PRELID2: variants seen among roughly 807,000 people sequenced by gnomAD.
The protein encoded by PRELID2 is PRELI domain containing 2.
PRELID2 carries 25 observed loss-of-function variants against 28.4 expected under a neutral mutation model. The observed-to-expected ratio is 0.88, with a 90% CI of 0.64 to 1.23. PRELID2 has a LOEUF of 1.23. PRELID2 is among the 50% of genes most tolerant of loss of function. The pLI is 0.00. For missense variants in PRELID2, 201 were observed against 214.4 expected, an observed-to-expected ratio of 0.94 and a Z score of 0.39; for synonymous variants, 76 against 71.6, an observed-to-expected ratio of 1.06 and a Z score of -0.31.
chr5:145,596,553 A>G (rs1580991915), intron 1 of PRELID2, among the ~76,000 whole-genome samples: 1 of 151,040 alleles, frequency 6.6e-6, no homozygotes, highest in South Asian at 2.1e-4. Flanking sequence ...ATCAAACTCT[A>G]AGACTGCTCA....
chr5:145,471,271 A>G (rs1434955439), downstream of PRELID2, among the ~76,000 whole-genome samples: 1 of 152,258 alleles, frequency 6.6e-6, no homozygotes, highest in East Asian at 1.9e-4. Context: ...GAACAACTTC[A>G]GAGAGCTTCT....
the PRELID2 span, among the ~76,000 whole-genome samples, chr5:145,341,589 C>G: frequency 1.3e-5 from 2 of 151,714 alleles, no homozygotes; most frequent in Non-Finnish European, 2.9e-5. Flanking sequence ...GGTATAAATT[C>G]TGGCACTGAA....
intron 1 of PRELID2, among the ~76,000 whole-genome samples, chr5:145,750,491 T>C (rs1389445398): frequency 1.3e-5 from 2 of 152,106 alleles, no homozygotes; most frequent in African/African-American, 4.8e-5. Flanking sequence ...TTTGTGGCCA[T>C]TGCTCAAAAA....
chr5:145,409,561 C>A, the PRELID2 span, among the ~76,000 whole-genome samples: 2 of 151,902 alleles, frequency 1.3e-5, no homozygotes, highest in East Asian at 3.9e-4. Flanking sequence ...AAAAAACAAG[C>A]AATAGTAGCT....
At chr5:145,518,221 A>C (rs1184113314) in intron 1 of PRELID2, among the ~76,000 whole-genome samples, 1 of 151,744 alleles carries the variant, frequency 6.6e-6, no homozygotes, top group Non-Finnish European at 1.5e-5. Flanking sequence ...TGTGTTTGAG[A>C]CAGAGTCTCT....
chr5:145,406,253 G>C, the PRELID2 span, among the ~76,000 whole-genome samples: 1 of 152,120 alleles, frequency 6.6e-6, no homozygotes, highest in Non-Finnish European at 1.5e-5. Flanking sequence ...TGTATAACAG[G>C]TGGTAGTTTT....
At chr5:145,653,442 A>G (rs192739057) in intron 1 of PRELID2, among the ~76,000 whole-genome samples, 20 of 152,374 alleles carry the variant, frequency 1.3e-4, no homozygotes, top group Non-Finnish European at 2.4e-4. Context: ...TCAACAGAAT[A>G]TACATTCTTC....
the PRELID2 span, among the ~76,000 whole-genome samples, chr5:145,348,039 A>G: frequency 6.6e-6 from 1 of 152,158 alleles, no homozygotes; most frequent in Non-Finnish European, 1.5e-5. Flanking sequence ...TCTAAAGAAC[A>G]AGGTCTTAGA....
chr5:145,335,980 T>G, the PRELID2 span, among the ~76,000 whole-genome samples: 1 of 152,244 alleles, frequency 6.6e-6, no homozygotes, highest in Non-Finnish European at 1.5e-5. Context: ...TGGTGTGAGA[T>G]GGTATCTCAT....
chr5:145,501,841 G>A (rs1436876582), intron 1 of PRELID2, among the ~76,000 whole-genome samples: 1 of 152,108 alleles, frequency 6.6e-6, no homozygotes, highest in Non-Finnish European at 1.5e-5. Flanking sequence ...GAGATTCTAT[G>A]TCCATAACCC....
chr5:145,478,336 A>T (rs1369005186), intron 1 of PRELID2, among the ~76,000 whole-genome samples: 1 of 152,158 alleles, frequency 6.6e-6, no homozygotes, highest in Non-Finnish European at 1.5e-5. Flanking sequence ...TCATGAGGCC[A>T]GGAGTTCAAT....
chr5:145,443,219 A>G, the PRELID2 span, among the ~76,000 whole-genome samples: 4 of 152,184 alleles, frequency 2.6e-5, no homozygotes, highest in Admixed American at 2.6e-4. Context: ...GCAATTTTTC[A>G]TTTACAATAA....
chr5:145,544,908 A>G (rs1460951669), intron 1 of PRELID2, among the ~76,000 whole-genome samples: 3 of 152,270 alleles, frequency 2.0e-5, no homozygotes, highest in Non-Finnish European at 2.9e-5. Context: ...TGAATGTGAC[A>G]AAGTATCCTC....
At chr5:145,686,459 A>G (rs1171509217) in intron 1 of PRELID2, among the ~76,000 whole-genome samples, 1 of 152,104 alleles carries the variant, frequency 6.6e-6, no homozygotes, top group East Asian at 1.9e-4. Context: ...CAAGATCTAA[A>G]CAGGGGAAGG....
rs1258630995 is a variant in PRELID2 at position 145,759,082 on chromosome 5, C to A, written c.*1454G>T. 1.5e-5 allele frequency: 2 copies of A among 134,898 alleles called. No homozygotes were observed. The highest frequency in any genetic ancestry group is 3.1e-5 in the Non-Finnish European group (2 of 65,380). The allele number at this position is 134,898 out of a possible 1,614,324, so 8.4% of individuals were successfully genotyped here. A position where few individuals can be genotyped will look rare whatever the true frequency, so the allele number is the denominator to read the frequency against. ...GTGGCACAATCTCAGCTTACTGCAACCTTCACCTCCTGAGTTCAAGCAATT... is the reference window on the plus strand; with the variant it reads ...GTGGCACAATCTCAGCTTACTGCAAACTTCACCTCCTGAGTTCAAGCAATT... On this transcript the variant is annotated 3_prime_UTR_variant, in exon 7 of 7. Coordinates refer to ENST00000683046, the MANE Select transcript of PRELID2 (RefSeq NM_205846.3).
intron 1 of PRELID2, among the ~76,000 whole-genome samples, chr5:145,660,120 T>C (rs1410386979): frequency 1.3e-5 from 2 of 152,186 alleles, no homozygotes; most frequent in Non-Finnish European, 2.9e-5. Context: ...CTCAGGTTCA[T>C]GGAGGCTGTC....
At chr5:145,796,612 A>G (rs1300762389) in intron 4 of PRELID2, 65 bp from the exon 5 acceptor site, 1 of 911,774 alleles carries the variant, frequency 1.1e-6, no homozygotes, top group African/African-American at 1.7e-5. Flanking sequence ...AACGACAGAC[A>G]TTTCTAGCTG....
chr5:145,461,925 T>C, the PRELID2 span, among the ~76,000 whole-genome samples: 2 of 152,244 alleles, frequency 1.3e-5, no homozygotes, highest in African/African-American at 4.8e-5. Context: ...ATACATGGAC[T>C]ATGTATGCAG....
chr5:145,545,617 A>G (rs1383946891), intron 1 of PRELID2, among the ~76,000 whole-genome samples: 1 of 152,140 alleles, frequency 6.6e-6, no homozygotes, highest in African/African-American at 2.4e-5. Flanking sequence ...ACCATTTTTA[A>G]ACAGGCTCAG....
Sources: gnomAD v4.1 joint callset for allele counts (sites outside exome capture counted in the v4.1 genomes callset) on GRCh38, gnomAD v4.1.1 for gene constraint, MANE v1.5 for transcripts, NCBI Gene and HGNC (gene_info 2026-07-23, HGNC 2026-07-21) for gene names.